CNTN4: variants seen among roughly 807,000 people sequenced by gnomAD.
The protein encoded by CNTN4 is contactin 4, also known as contactin-4.
A neutral mutation model predicts 122.5 loss-of-function variants in CNTN4; 77 were observed. That is an observed-to-expected ratio of 0.63 (90% confidence interval 0.52 to 0.76). The LOEUF is 0.76. Ranked by LOEUF, CNTN4 falls within the 30% of genes least tolerant of loss-of-function variation. The probability of loss-of-function intolerance (pLI) is 0.00; values close to 1 mark genes in which losing one functional copy is unlikely to be tolerated. For missense variants in CNTN4, 1,256 were observed against 1,259.1 expected, an observed-to-expected ratio of 1.00 and a Z score of 0.04; for synonymous variants, 512 against 447.0, an observed-to-expected ratio of 1.15 and a Z score of -1.83.
At chr3:2,500,935 T>A (rs1042703855) in intron 3 of CNTN4, among the ~76,000 whole-genome samples, 2 of 151,938 alleles carry the variant, frequency 1.3e-5, no homozygotes, top group Non-Finnish European at 2.9e-5. Flanking sequence ...TCCTCTTTTT[T>A]CCCCCCCGCA....
intron 3 of CNTN4, among the ~76,000 whole-genome samples, chr3:2,390,847 A>G (rs1575532317): frequency 6.6e-6 from 1 of 152,226 alleles, no homozygotes; most frequent in East Asian, 1.9e-4. Flanking sequence ...TGCTCAGTGA[A>G]TTGCCCGACC....
At chr3:2,903,723 GA>G (rs768705150) in intron 12 of CNTN4, among the ~76,000 whole-genome samples, 1 of 152,064 alleles carries the variant, frequency 6.6e-6, no homozygotes, top group Non-Finnish European at 1.5e-5. Context: ...CTTTATGAAA[GA>G]TGCCACAGTT....
chr3:2,947,944 A>G (rs2094696675), intron 13 of CNTN4, among the ~76,000 whole-genome samples: 1 of 152,204 alleles, frequency 6.6e-6, no homozygotes, highest in South Asian at 2.1e-4. Context: ...AGCTGTCTCT[A>G]TTAAATGAAT....
chr3:2,854,378 T>C (rs896641151), intron 7 of CNTN4, among the ~76,000 whole-genome samples: 1 of 145,072 alleles, frequency 6.9e-6, no homozygotes, highest in Non-Finnish European at 1.5e-5. Context: ...GTTCAAGAGA[T>C]TTTCCTGCCT....
intron 2 of CNTN4, among the ~76,000 whole-genome samples, chr3:2,266,464 A>AAT: frequency 6.6e-6 from 1 of 152,172 alleles, no homozygotes; most frequent in South Asian, 2.1e-4. Context: ...TTCTCAGAGA[A>AAT]GTTATCTTGC....
intron 2 of CNTN4, among the ~76,000 whole-genome samples, chr3:2,212,189 G>A (rs190250411): frequency 9.4e-4 from 143 of 152,058 alleles, no homozygotes; most frequent in South Asian, 2.7e-3. Context: ...TGACCAGGCT[G>A]ATCTCAAACT....
intron 3 of CNTN4, among the ~76,000 whole-genome samples, chr3:2,536,502 C>T (rs930633933): frequency 1.3e-5 from 2 of 151,920 alleles, no homozygotes; most frequent in Non-Finnish European, 2.9e-5. Context: ...AAGTATATAT[C>T]ATAAAAACAG....
intron 3 of CNTN4, among the ~76,000 whole-genome samples, chr3:2,370,005 A>C (rs1559493787): frequency 6.6e-6 from 1 of 152,142 alleles, no homozygotes; most frequent in Non-Finnish European, 1.5e-5. Context: ...CTCTGAACTC[A>C]TTGATAGTGC....
intron 3 of CNTN4, among the ~76,000 whole-genome samples, chr3:2,525,132 T>A (rs2077356003): frequency 6.6e-6 from 1 of 152,132 alleles, no homozygotes; most frequent in Non-Finnish European, 1.5e-5. Context: ...GGAGGCTCAT[T>A]TAATGCACTG....
chr3:2,528,402 A>G (rs1237347979), intron 3 of CNTN4, among the ~76,000 whole-genome samples: 1 of 152,202 alleles, frequency 6.6e-6, no homozygotes, highest in African/African-American at 2.4e-5. Flanking sequence ...CAGTCAATGC[A>G]TTGGCCCATA....
intron 3 of CNTN4, among the ~76,000 whole-genome samples, chr3:2,555,302 T>G (rs2149387378): frequency 6.6e-6 from 1 of 152,348 alleles, no homozygotes; most frequent in Admixed American, 6.5e-5. Context: ...TAGCTCCTGC[T>G]GACAATTTGA....
Position 3,056,976 on chromosome 3 carries a change from C to G in CNTN4, c.*756C>G, listed in dbSNP as rs1238638069. 6.6e-6 allele frequency: 1 copy of G among 152,606 alleles called. No homozygotes were observed. Among genetic ancestry groups the G allele is most frequent in the Non-Finnish European group, 1.5e-5 (1 of 68,042 alleles). The allele number at this position is 152,606 out of a possible 1,614,324, so 9.5% of individuals were successfully genotyped here. On this transcript the variant is annotated 3_prime_UTR_variant, in exon 25 of 25. Transcript: ENST00000418658. The stretch of plus-strand genomic sequence containing the variant: ...ATTGTACAGGAAGATTTTCTTTTCA[C>G]TCAACTGAGTTAGCATTGTCTTTGT...
At chr3:2,422,579 C>A (rs991252282) in intron 3 of CNTN4, among the ~76,000 whole-genome samples, 2 of 152,232 alleles carry the variant, frequency 1.3e-5, no homozygotes, top group African/African-American at 2.4e-5. Context: ...AGCTGGTCTT[C>A]ACTGCCAATT....
rs993430018 is a variant in CNTN4, at chr3:2,104,513, T to C, written c.-145+3874T>C. Among the ~76,000 whole-genome samples, 6 of 152,338 alleles carry C rather than the reference T, an allele frequency of 3.9e-5. No homozygotes were observed. In the East Asian group the frequency reaches 1.2e-3, roughly 29 times the overall value. On this transcript the variant is annotated intron_variant, in intron 2 of 24. Transcript: ENST00000418658. The stretch of plus-strand genomic sequence containing the variant: ...GGGAATCAGGTTCCTTAGAGTTTTA[T>C]GGCTTTGTTCATCTTTAAGTACCTA...
At chr3:2,640,613 C>G (rs559943693) in intron 4 of CNTN4, among the ~76,000 whole-genome samples, 2 of 150,862 alleles carry the variant, frequency 1.3e-5, no homozygotes, top group Admixed American at 1.3e-4. Flanking sequence ...ACAAGAACAG[C>G]TCTTTAATAT....
intron 4 of CNTN4, among the ~76,000 whole-genome samples, chr3:2,728,209 T>A (rs963387130): frequency 6.6e-6 from 1 of 152,244 alleles, no homozygotes; most frequent in Non-Finnish European, 1.5e-5. Flanking sequence ...ACTCTTACAG[T>A]ATTTCATTTG....
intron 6 of CNTN4, among the ~76,000 whole-genome samples, chr3:2,759,626 C>T (rs1180211878): frequency 6.6e-6 from 1 of 150,946 alleles, no homozygotes; most frequent in African/African-American, 2.4e-5. Flanking sequence ...TTTCATTTCT[C>T]TTGGGTATAT....
intron 2 of CNTN4, among the ~76,000 whole-genome samples, chr3:2,334,274 C>T (rs962573885): frequency 6.6e-6 from 1 of 152,152 alleles, no homozygotes; most frequent in Admixed American, 6.5e-5. Flanking sequence ...TCTCCTGCCT[C>T]AGCCTCCCAA....
At chr3:2,120,401 ATATATTTTTTTT>A (rs1406941215) in intron 2 of CNTN4, among the ~76,000 whole-genome samples, 2 of 31,358 alleles carry the variant, frequency 6.4e-5, no homozygotes, top group Non-Finnish European at 6.9e-5. Context: ...ATATATATAT[ATATATTTTTTTT>A]TTTTTTTTTA....
Sources: gnomAD v4.1 joint callset for allele counts (sites outside exome capture counted in the v4.1 genomes callset) on GRCh38, gnomAD v4.1.1 for gene constraint, MANE v1.5 for transcripts, NCBI Gene and HGNC (gene_info 2026-07-23, HGNC 2026-07-21) for gene names.